The following XKR9 variants were observed in gnomAD, a reference collection of about 807,000 sequenced individuals.
XKR9 encodes XK-related protein 9.
XKR9 carries 32 observed loss-of-function variants against 32.0 expected under a neutral mutation model. That is an observed-to-expected ratio of 1.00 (90% CI 0.76 to 1.34). XKR9 has a LOEUF of 1.34. Ranked by LOEUF, XKR9 falls within the 40% of genes most tolerant of loss-of-function variation. The pLI is 0.00. For missense variants in XKR9, 546 were observed against 429.7 expected, an observed-to-expected ratio of 1.27 and a Z score of -2.39; for synonymous variants, 168 against 143.4, an observed-to-expected ratio of 1.17 and a Z score of -1.22.
At chr8:70,833,127 C>G in the XKR9 span, among the ~76,000 whole-genome samples, 153 of 152,206 alleles carry the variant, frequency 1.0e-3, 2 homozygotes, top group African/African-American at 3.4e-3. Flanking sequence ...TTTTATACAT[C>G]CAAGGGAGAG....
intron 2 of XKR9, among the ~76,000 whole-genome samples, chr8:70,762,736 T>C (rs888566258): frequency 2.0e-5 from 3 of 152,190 alleles, no homozygotes; most frequent in Non-Finnish European, 4.4e-5. Flanking sequence ...TTGTTCTAGG[T>C]GCAGTGCTAG....
intron 3 of XKR9, among the ~76,000 whole-genome samples, chr8:70,681,860 AT>A (rs1179257885): frequency 6.6e-6 from 1 of 152,012 alleles, no homozygotes; most frequent in African/African-American, 2.4e-5. Flanking sequence ...TTCTCTGTAT[AT>A]TTAATTTTTT....
chr8:70,729,578 C>T (rs1300161273), intron 4 of XKR9, among the ~76,000 whole-genome samples: 2 of 151,882 alleles, frequency 1.3e-5, no homozygotes, highest in African/African-American at 4.8e-5. Flanking sequence ...TAGGAAACCA[C>T]CATTTAAAGA....
At chr8:70,768,485 C>G (rs975106550) in intron 2 of XKR9, among the ~76,000 whole-genome samples, 1 of 152,156 alleles carries the variant, frequency 6.6e-6, no homozygotes, top group African/African-American at 2.4e-5. Context: ...TGTTAATTTT[C>G]TGTCTCATTG....
chr8:70,848,674 G>T, the XKR9 span, among the ~76,000 whole-genome samples: 1 of 151,124 alleles, frequency 6.6e-6, no homozygotes, highest in Non-Finnish European at 1.5e-5. Context: ...CCATCGGTGT[G>T]CTGTATTCAA....
the XKR9 span, among the ~76,000 whole-genome samples, chr8:70,796,524 T>C: frequency 6.6e-6 from 1 of 152,180 alleles, no homozygotes; most frequent in Non-Finnish European, 1.5e-5. Flanking sequence ...CAGTACAAAC[T>C]TTTGGCTTCA....
the XKR9 span, among the ~76,000 whole-genome samples, chr8:70,935,892 A>G: frequency 6.6e-6 from 1 of 152,100 alleles, no homozygotes; most frequent in Non-Finnish European, 1.5e-5. Flanking sequence ...GTTCCAAATT[A>G]CATTTTTAAT....
the XKR9 span, among the ~76,000 whole-genome samples, chr8:70,861,826 C>CA: frequency 6.6e-6 from 1 of 152,086 alleles, no homozygotes; most frequent in Non-Finnish European, 1.5e-5. Context: ...TTTCTGTCAC[C>CA]ACCACCAAAT....
the XKR9 span, among the ~76,000 whole-genome samples, chr8:70,868,553 G>A: frequency 1.3e-5 from 2 of 152,054 alleles, no homozygotes; most frequent in Non-Finnish European, 2.9e-5. Flanking sequence ...GGACACCAGG[G>A]CACCAAGTCC....
At chr8:70,905,247 T>G in the XKR9 span, among the ~76,000 whole-genome samples, 1 of 152,238 alleles carries the variant, frequency 6.6e-6, no homozygotes, top group Non-Finnish European at 1.5e-5. Context: ...TCTGTCAATT[T>G]CAGGTACACC....
At chr8:70,751,299 T>C (rs925827884) in intron 2 of XKR9, among the ~76,000 whole-genome samples, 10 of 152,028 alleles carry the variant, frequency 6.6e-5, no homozygotes, top group African/African-American at 2.2e-4. Flanking sequence ...CTGGCTAATT[T>C]TTGTATTTTT....
At chr8:71,041,501 G>C in the XKR9 span, among the ~76,000 whole-genome samples, 2 of 152,184 alleles carry the variant, frequency 1.3e-5, no homozygotes, top group African/African-American at 4.8e-5. Flanking sequence ...TATAATATAT[G>C]GCCCTAAATA....
chr8:70,776,947 C>CTCTCTCTCTATATATATATA, intron 2 of XKR9, among the ~76,000 whole-genome samples: 50 of 54,200 alleles, frequency 9.2e-4, no homozygotes, highest in East Asian at 5.3e-3. Context: ...CTCTCTCTCT[C>CTCTCTCTCTATATATATATA]TATATATATA....
At chr8:70,863,792 A>T in the XKR9 span, among the ~76,000 whole-genome samples, 841 of 152,232 alleles carry the variant, frequency 5.5e-3, 8 homozygotes, top group African/African-American at 0.019. Context: ...TTCTAAGGAG[A>T]AATATAGAGA....
At chr8:70,770,480 A>C (rs958432227) in intron 2 of XKR9, among the ~76,000 whole-genome samples, 4 of 152,298 alleles carry the variant, frequency 2.6e-5, no homozygotes, top group African/African-American at 7.2e-5. Flanking sequence ...GCCGGCAGGC[A>C]GGAACGTTTA....
intron 4 of XKR9, among the ~76,000 whole-genome samples, chr8:70,732,954 C>G (rs1563456763): frequency 1.3e-5 from 2 of 152,110 alleles, no homozygotes; most frequent in Non-Finnish European, 2.9e-5. Flanking sequence ...TCCATCTGTA[C>G]TAAAAATACA....
the XKR9 span, among the ~76,000 whole-genome samples, chr8:70,965,128 C>T: frequency 1.3e-5 from 2 of 152,014 alleles, no homozygotes; most frequent in South Asian, 2.1e-4. Context: ...TCCTTCAATA[C>T]CTAGTATATT....
At chr8:70,953,187 G>T in the XKR9 span, among the ~76,000 whole-genome samples, 1 of 152,216 alleles carries the variant, frequency 6.6e-6, no homozygotes, top group Non-Finnish European at 1.5e-5. Context: ...GAGGATCAGG[G>T]TGTAGGAGAA....
the XKR9 span, among the ~76,000 whole-genome samples, chr8:70,985,405 T>A: frequency 6.6e-6 from 1 of 152,224 alleles, no homozygotes; most frequent in Non-Finnish European, 1.5e-5. Flanking sequence ...TTATCCAGTC[T>A]ATCATTGATG....
Sources: gnomAD v4.1 joint callset for allele counts (sites outside exome capture counted in the v4.1 genomes callset) on GRCh38, gnomAD v4.1.1 for gene constraint, MANE v1.5 for transcripts, NCBI Gene and HGNC (gene_info 2026-07-23, HGNC 2026-07-21) for gene names.